The following STXBP5L variants were observed in gnomAD, a reference collection of about 807,000 sequenced individuals.
The protein encoded by STXBP5L is syntaxin-binding protein 5-like.
A neutral mutation model predicts 144.5 loss-of-function variants in STXBP5L; 65 were observed. That is an observed-to-expected ratio of 0.45 (90% confidence interval 0.37 to 0.55). STXBP5L has a LOEUF of 0.55. Ranked by LOEUF, STXBP5L falls within the 20% of genes least tolerant of loss-of-function variation. The pLI is 0.00. For synonymous variants in STXBP5L, 505 were observed against 469.6 expected (o/e 1.08, Z -0.97); for missense variants, 1,298 against 1,405.5 (o/e 0.92, Z 1.22).
intron 14 of STXBP5L, among the ~76,000 whole-genome samples, chr3:121,242,312 G>A (rs560759633): frequency 2.6e-4 from 40 of 152,208 alleles, no homozygotes; most frequent in Non-Finnish European, 5.1e-4. Flanking sequence ...AGAGTCTGAT[G>A]TTACTATAAT....
intron 20 of STXBP5L, among the ~76,000 whole-genome samples, chr3:121,345,499 T>C (rs537211168): frequency 6.6e-6 from 1 of 152,246 alleles, no homozygotes; most frequent in African/African-American, 2.4e-5. Context: ...AGTAGCATGA[T>C]TTATAATCCT....
chr3:121,351,186 C>A (rs2045265864), intron 20 of STXBP5L, among the ~76,000 whole-genome samples: 1 of 152,082 alleles, frequency 6.6e-6, no homozygotes, highest in Non-Finnish European at 1.5e-5. Flanking sequence ...CAGTCAGGAC[C>A]CTCAGCTGCA....
chr3:121,014,522 A>G (rs1008547503), intron 3 of STXBP5L, among the ~76,000 whole-genome samples: 3 of 152,044 alleles, frequency 2.0e-5, no homozygotes, highest in Admixed American at 2.0e-4. Context: ...GTAGTATACA[A>G]ATGTATAGAT....
intron 10 of STXBP5L, among the ~76,000 whole-genome samples, chr3:121,209,571 A>C (rs2048473753): frequency 6.6e-6 from 1 of 151,922 alleles, no homozygotes; most frequent in Non-Finnish European, 1.5e-5. Flanking sequence ...TCCTAATGCT[A>C]TCCATCCCCT....
intron 3 of STXBP5L, among the ~76,000 whole-genome samples, chr3:120,989,828 T>A (rs1163415025): frequency 6.6e-6 from 1 of 151,940 alleles, no homozygotes; most frequent in African/African-American, 2.4e-5. Flanking sequence ...CTACCTAATA[T>A]CCATATACCC....
intron 5 of STXBP5L, among the ~76,000 whole-genome samples, chr3:121,050,925 G>A (rs1380121389): frequency 6.6e-6 from 1 of 151,934 alleles, no homozygotes; most frequent in Non-Finnish European, 1.5e-5. Context: ...AAAAAGCAGG[G>A]GTTGCAATCC....
At chr3:121,157,698 T>C in intron 9 of STXBP5L, 71 bp downstream of exon 9, 1 of 1,529,346 alleles carries the variant, frequency 6.5e-7, no homozygotes, top group Non-Finnish European at 8.7e-7. Context: ...AGAGAGATGG[T>C]ATTAATGCGT....
At chr3:121,413,365 G>T in intron 24 of STXBP5L, 42 bp downstream of exon 24, 1 of 1,460,528 alleles carries the variant, frequency 6.8e-7, no homozygotes, top group Non-Finnish European at 9.1e-7. Flanking sequence ...ATTGGACATG[G>T]TTGAGAGAAT....
chr3:121,094,345 T>G (rs2042996696), intron 5 of STXBP5L, among the ~76,000 whole-genome samples: 1 of 152,254 alleles, frequency 6.6e-6, no homozygotes, highest in Non-Finnish European at 1.5e-5. Context: ...TTCTGTCTCG[T>G]TGATCTGTCT....
intron 20 of STXBP5L, among the ~76,000 whole-genome samples, chr3:121,344,589 A>C (rs1352375496): frequency 3.3e-5 from 5 of 152,114 alleles, no homozygotes; most frequent in Admixed American, 2.6e-4. Context: ...ATATGATTGT[A>C]AAATAGAATG....
At position 121,418,468 on chromosome 3, in the gene STXBP5L, G is replaced by A. The variant is rs139176240; in HGVS notation, c.3358G>A (p.Asp1120Asn). The A allele has an allele frequency of 5.4e-4, 876 of 1,614,126 alleles. No homozygotes were observed. The highest frequency in any genetic ancestry group is 7.0e-4 in the Non-Finnish European group (825 of 1,179,996). ...GELTRARIAL[D>N]ERGQRLGELE... ...GCTGACCCGTGCACGGATTGCACTT[G>A]ATGAAAGAGGACAGAGGCTAGGAGA... The change falls in exon 26 of 27, where the codon GAT becomes AAT. Residue 1120 changes from aspartate (D) to asparagine (N), a missense_variant. Physicochemically the swap from Asp to Asn is conservative, Grantham distance 23 (BLOSUM62 1). Coordinates refer to ENST00000471454, the MANE Select transcript of STXBP5L (RefSeq NM_001308330.2).
intron 19 of STXBP5L, among the ~76,000 whole-genome samples, chr3:121,311,968 C>T (rs1451009552): frequency 6.6e-6 from 1 of 152,182 alleles, no homozygotes; most frequent in Non-Finnish European, 1.5e-5. Context: ...GTAACCAAAA[C>T]AGCATGGTAC....
At chr3:120,948,216 C>T (rs1051069731) in intron 2 of STXBP5L, among the ~76,000 whole-genome samples, 7 of 151,142 alleles carry the variant, frequency 4.6e-5, no homozygotes, top group Admixed American at 1.3e-4. Flanking sequence ...GAGGATCTTT[C>T]GGTGTTTATT....
chr3:121,213,723 C>T (rs1174401120), intron 10 of STXBP5L, among the ~76,000 whole-genome samples: 1 of 152,066 alleles, frequency 6.6e-6, no homozygotes, highest in Non-Finnish European at 1.5e-5. Context: ...TGACCCTGGC[C>T]TCATAAAAAG....
chr3:121,254,232 A>G (rs1203107549), intron 15 of STXBP5L, among the ~76,000 whole-genome samples: 1 of 152,204 alleles, frequency 6.6e-6, no homozygotes, highest in Admixed American at 6.5e-5. Context: ...TTATAGAGTT[A>G]TTATCATCAT....
At chr3:121,333,952 C>T (rs972363046) in intron 20 of STXBP5L, among the ~76,000 whole-genome samples, 1 of 152,006 alleles carries the variant, frequency 6.6e-6, no homozygotes, top group Non-Finnish European at 1.5e-5. Context: ...CCATAATTCC[C>T]ATTGTTGTGG....
At chr3:121,119,392 T>A (rs369630281) in intron 6 of STXBP5L, among the ~76,000 whole-genome samples, 3 of 151,300 alleles carry the variant, frequency 2.0e-5, no homozygotes, top group African/African-American at 7.3e-5. Flanking sequence ...TATATGGGAA[T>A]ACATGGCAGT....
At chr3:121,206,490 T>C (rs1281797815) in intron 10 of STXBP5L, among the ~76,000 whole-genome samples, 1 of 152,122 alleles carries the variant, frequency 6.6e-6, no homozygotes, top group Non-Finnish European at 1.5e-5. Context: ...TAATAATATT[T>C]AGTAAAATAT....
chr3:120,923,464 G>T (rs546833427), intron 2 of STXBP5L, among the ~76,000 whole-genome samples: 2 of 151,758 alleles, frequency 1.3e-5, no homozygotes, highest in East Asian at 3.9e-4. Context: ...TTTGATCTAG[G>T]TGTTTAATGC....
Sources: allele counts gnomAD v4.1 joint callset (sites outside exome capture counted in the v4.1 genomes callset), GRCh38; gene constraint gnomAD v4.1.1; transcripts MANE v1.5; gene names NCBI Gene and HGNC (gene_info 2026-07-23, HGNC 2026-07-21).